The following THADA variants were observed in gnomAD, a reference collection of about 807,000 sequenced individuals.
THADA encodes the protein THADA armadillo repeat containing.
In THADA, 213 loss-of-function variants were observed where a neutral mutation model predicts 219.8. The observed-to-expected ratio is 0.97, with a 90% confidence interval of 0.87 to 1.09. THADA has a LOEUF of 1.09. THADA is among the 50% of genes least tolerant of loss of function. THADA has a pLI of 0.00. For missense variants in THADA, 2,956 were observed against 2,311.3 expected, an observed-to-expected ratio of 1.28 and a Z score of -5.72; for synonymous variants, 1,018 against 828.9, an observed-to-expected ratio of 1.23 and a Z score of -3.92.
chr2:43,342,787 C>A (rs1478962285), intron 30 of THADA, among the ~76,000 whole-genome samples: 4 of 152,152 alleles, frequency 2.6e-5, no homozygotes, highest in Non-Finnish European at 4.4e-5. Flanking sequence ...ATTTTTGTAT[C>A]CCTATATCTC....
chr2:43,463,459 C>T (rs1287269076), intron 26 of THADA, among the ~76,000 whole-genome samples: 1 of 152,190 alleles, frequency 6.6e-6, no homozygotes, highest in Non-Finnish European at 1.5e-5. Flanking sequence ...TTCATAAAAA[C>T]ACAGGCAATG....
In THADA at chr2:43,339,622, C is replaced by A. The variant is rs567065535; in HGVS notation, c.4343+4500G>T. Among the ~76,000 whole-genome samples, 3 of 152,294 alleles carry A rather than the reference C, an allele frequency of 2.0e-5. No individual in the cohort carries two copies. The South Asian group carries it at 6.2e-4, about 32-fold the overall frequency. On this transcript the variant is annotated intron_variant, in intron 30 of 37. Transcript: ENST00000405975. ...TTCACTAAGTTTACCAAAAGAAACA[C>A]ACATGCAATATATAAACATACACAT...
intron 15 of THADA, among the ~76,000 whole-genome samples, chr2:43,560,948 C>T (rs1697982626): frequency 6.9e-6 from 1 of 145,430 alleles, no homozygotes; most frequent in Admixed American, 7.4e-5. Context: ...GGCCAGGAGA[C>T]GGAGATTGCA....
chr2:43,381,662 C>T (rs1221643573), intron 29 of THADA, among the ~76,000 whole-genome samples: 1 of 151,708 alleles, frequency 6.6e-6, no homozygotes, highest in Non-Finnish European at 1.5e-5. Flanking sequence ...CTCACTGGAA[C>T]CTCCACCTCC....
chr2:43,527,597 A>AT lies in THADA; in HGVS notation c.3374+281dup, dbSNP rs1693324588. Reference sequence around the variant, plus strand: ...ACAGACAAAACATTTATTTCATTCAATAAAAAAAAAACAGTAATTTCAAAG... The same window carrying AT: ...ACAGACAAAACATTTATTTCATTCAATTAAAAAAAAAACAGTAATTTCAAAG... On this transcript the variant is annotated intron_variant, in intron 22 of 37. Transcript: ENST00000405975. 2.1e-5 allele frequency among the ~76,000 whole-genome samples: 3 copies of AT among 144,748 alleles called. No individual in the cohort carries two copies. The East Asian group carries it at 5.8e-4, about 28-fold the overall frequency. The allele number at this position is 144,748 out of a possible 152,430, so 95.0% of individuals were successfully genotyped here.
intron 17 of THADA, chr2:43,556,089 G>A (rs74609989): frequency 0.057 from 46,983 of 821,074 alleles, 1,733 homozygotes; most frequent in South Asian, 0.066. Context: ...GGAGAAAGAG[G>A]TCATTCTCAT....
intron 26 of THADA, among the ~76,000 whole-genome samples, chr2:43,453,032 T>C (rs1416343202): frequency 1.3e-5 from 2 of 152,194 alleles, no homozygotes; most frequent in African/African-American, 4.8e-5. Flanking sequence ...CCGATGCTTT[T>C]TGTAAGTCTG....
chr2:43,593,567 C>T (rs1701805731), intron 1 of THADA, among the ~76,000 whole-genome samples: 1 of 151,788 alleles, frequency 6.6e-6, no homozygotes, highest in African/African-American at 2.4e-5. Flanking sequence ...AGAACAAGAG[C>T]CTTAAAACAG....
intron 22 of THADA, among the ~76,000 whole-genome samples, chr2:43,521,464 G>C (rs1257018491): frequency 2.0e-5 from 3 of 152,178 alleles, no homozygotes; most frequent in Non-Finnish European, 4.4e-5. Flanking sequence ...GCTGAGGTGG[G>C]AGATTCACTT....
chr2:43,251,974 C>G, intron 36 of THADA, among the ~76,000 whole-genome samples: 1 of 152,220 alleles, frequency 6.6e-6, no homozygotes, highest in East Asian at 1.9e-4. Context: ...CCATTCGGGG[C>G]TGTTCCTTCT....
intron 30 of THADA, among the ~76,000 whole-genome samples, chr2:43,329,765 A>C (rs555513396): frequency 6.6e-6 from 1 of 152,308 alleles, no homozygotes; most frequent in Non-Finnish European, 1.5e-5. Flanking sequence ...AGCAATTAGA[A>C]ACCACGTAGA....
intron 36 of THADA, among the ~76,000 whole-genome samples, chr2:43,240,735 A>G (rs1411880130): frequency 1.3e-5 from 2 of 152,244 alleles, no homozygotes; most frequent in Non-Finnish European, 2.9e-5. Flanking sequence ...GTCCTAAGGA[A>G]TGGAAGGGGA....
At chr2:43,464,488 G>T (rs543254237) in intron 26 of THADA, among the ~76,000 whole-genome samples, 1 of 152,264 alleles carries the variant, frequency 6.6e-6, no homozygotes, top group African/African-American at 2.4e-5. Context: ...TGTGTGTTTA[G>T]TATCCTTGGG....
chr2:43,329,819 C>G (rs1360947336), intron 30 of THADA, among the ~76,000 whole-genome samples: 2 of 152,200 alleles, frequency 1.3e-5, no homozygotes, highest in African/African-American at 4.8e-5. Flanking sequence ...AAGCAAGGCT[C>G]CAAGTGCAGC....
chr2:43,447,243 C>A (rs755557928), intron 26 of THADA, among the ~76,000 whole-genome samples: 1 of 152,100 alleles, frequency 6.6e-6, no homozygotes, highest in Non-Finnish European at 1.5e-5. Context: ...ATTAAGGGAA[C>A]TACAATTCAA....
chr2:43,560,168 T>A, intron 16 of THADA, 66 bp downstream of exon 16: 5 of 1,388,004 alleles, frequency 3.6e-6, no homozygotes, highest in Non-Finnish European at 4.9e-6. Flanking sequence ...AATCCTCAGA[T>A]TGCTTTATCT....
At chr2:43,510,882 A>G (rs1690325619) in intron 22 of THADA, among the ~76,000 whole-genome samples, 1 of 151,882 alleles carries the variant, frequency 6.6e-6, no homozygotes, top group Non-Finnish European at 1.5e-5. Flanking sequence ...GAAGCAGGAG[A>G]ATCGCTTGAA....
At chr2:43,338,689 T>C (rs1666754384) in intron 30 of THADA, among the ~76,000 whole-genome samples, 1 of 152,228 alleles carries the variant, frequency 6.6e-6, no homozygotes, top group East Asian at 1.9e-4. Flanking sequence ...TATGTTGGAA[T>C]TTCCTTCCTT....
At chr2:43,297,134 G>A (rs1675515939) in intron 31 of THADA, among the ~76,000 whole-genome samples, 2 of 95,632 alleles carry the variant, frequency 2.1e-5, no homozygotes, top group African/African-American at 4.8e-5. Context: ...AGGAAGTGAG[G>A]AGCGTCTCTG....
Sources: allele counts gnomAD v4.1 joint callset (sites outside exome capture counted in the v4.1 genomes callset), GRCh38; gene constraint gnomAD v4.1.1; transcripts MANE v1.5; gene names NCBI Gene and HGNC (gene_info 2026-07-23, HGNC 2026-07-21).